ADGRB3: variants seen among roughly 807,000 people sequenced by gnomAD.
ADGRB3 encodes the protein brain-specific angiogenesis inhibitor 3.
ADGRB3 carries 37 observed loss-of-function variants against 193.4 expected under a neutral mutation model. The ratio of observed to expected loss-of-function variants is 0.19; its 90% confidence interval spans 0.15 to 0.25. The LOEUF is 0.25. Among genes scored for constraint, ADGRB3 ranks in the 10% least tolerant of loss-of-function variants. The probability of loss-of-function intolerance (pLI) is 1.00; values close to 1 mark genes in which losing one functional copy is unlikely to be tolerated. For missense variants in ADGRB3, 1,637 were observed against 1,852.9 expected (o/e 0.88, Z 2.14); for synonymous variants, 690 against 644.2 (o/e 1.07, Z -1.08).
At chr6:68,748,417 C>CA (rs1216228952) in intron 3 of ADGRB3, among the ~76,000 whole-genome samples, 1 of 152,060 alleles carries the variant, frequency 6.6e-6, no homozygotes, top group Non-Finnish European at 1.5e-5. Flanking sequence ...AGAAATTGGT[C>CA]AAAACAAAGG....
intron 20 of ADGRB3, among the ~76,000 whole-genome samples, chr6:69,274,467 T>TCCTTCCTTCCTC (rs1278945896): frequency 2.1e-5 from 3 of 145,058 alleles, no homozygotes; most frequent in Non-Finnish European, 4.5e-5. Context: ...CTTCCTTCCT[T>TCCTTCCTTCCTC]CCTTCCTTCC....
chr6:69,122,136 G>A (rs753518899), intron 17 of ADGRB3, among the ~76,000 whole-genome samples: 3 of 151,908 alleles, frequency 2.0e-5, no homozygotes, highest in South Asian at 2.1e-4. Context: ...CCGAGATCAC[G>A]CCACTGCACT....
intron 13 of ADGRB3, among the ~76,000 whole-genome samples, chr6:69,041,761 T>C (rs1771078246): frequency 6.6e-6 from 1 of 152,076 alleles, no homozygotes; most frequent in African/African-American, 2.4e-5. Context: ...TGTGCAAAGC[T>C]ATGCCTGACA....
chr6:68,815,209 T>C (rs1463307895), intron 3 of ADGRB3, among the ~76,000 whole-genome samples: 1 of 152,142 alleles, frequency 6.6e-6, no homozygotes, highest in African/African-American at 2.4e-5. Context: ...ACTCAGCTGC[T>C]TTCTTTGAGT....
chr6:69,109,093 G>A (rs1177700678), intron 17 of ADGRB3, among the ~76,000 whole-genome samples: 1 of 152,170 alleles, frequency 6.6e-6, no homozygotes, highest in African/African-American at 2.4e-5. Context: ...TACAGTATCT[G>A]ATTTATCTCT....
intron 17 of ADGRB3, among the ~76,000 whole-genome samples, chr6:69,098,789 G>C (rs2150320371): frequency 6.6e-6 from 1 of 152,232 alleles, no homozygotes; most frequent in South Asian, 2.1e-4. Flanking sequence ...GGTCATTAAA[G>C]AAAGGACTTT....
At chr6:69,259,816 C>T (rs549183950) in intron 20 of ADGRB3, among the ~76,000 whole-genome samples, 2 of 151,714 alleles carry the variant, frequency 1.3e-5, no homozygotes, top group South Asian at 2.1e-4. Flanking sequence ...TTAATGGACT[C>T]AGATATAAAG....
At chr6:68,975,853 A>G (rs1286722447) in intron 10 of ADGRB3, among the ~76,000 whole-genome samples, 3 of 152,288 alleles carry the variant, frequency 2.0e-5, no homozygotes, top group South Asian at 2.1e-4. Context: ...ACATGGGCCA[A>G]ATTTTCCAAA....
intron 3 of ADGRB3, among the ~76,000 whole-genome samples, chr6:68,797,085 A>G (rs970213808): frequency 6.6e-6 from 1 of 152,180 alleles, no homozygotes; most frequent in East Asian, 1.9e-4. Context: ...GTAAGCCATG[A>G]CACGGAACTG....
At chr6:68,948,337 A>G (rs1169999477) in intron 6 of ADGRB3, among the ~76,000 whole-genome samples, 2 of 152,066 alleles carry the variant, frequency 1.3e-5, no homozygotes, top group East Asian at 1.9e-4. Flanking sequence ...GTGTCTTTTT[A>G]TGGTGATTCC....
chr6:68,789,632 T>C (rs1462618887), intron 3 of ADGRB3, among the ~76,000 whole-genome samples: 1 of 152,236 alleles, frequency 6.6e-6, no homozygotes, highest in Non-Finnish European at 1.5e-5. Flanking sequence ...TTATGTGTCT[T>C]TGAGTTGCTC....
chr6:69,360,662 C>G (rs1336785435), intron 28 of ADGRB3, among the ~76,000 whole-genome samples: 1 of 151,846 alleles, frequency 6.6e-6, no homozygotes, highest in African/African-American at 2.4e-5. Context: ...TACCTGAGAT[C>G]TATGAGAGCA....
At chr6:69,040,293 C>T (rs1199639687) in intron 13 of ADGRB3, among the ~76,000 whole-genome samples, 1 of 149,314 alleles carries the variant, frequency 6.7e-6, no homozygotes, top group Non-Finnish European at 1.5e-5. Context: ...TTTTGCCTTC[C>T]TTCCTTTCTC....
rs535186159 is a variant in ADGRB3, at chr6:68,771,152, A to G, written c.757+131720A>G. 2.6e-5 allele frequency among the ~76,000 whole-genome samples: 4 copies of G among 152,198 alleles called. No individual in the cohort carries two copies. In the South Asian group the frequency reaches 8.3e-4, roughly 32 times the overall value. ...TAATATTTAATTTTAAATTTTTGCTATGTAAACTTTTATTTTCATTATGGA... is the reference window on the plus strand; with the variant it reads ...TAATATTTAATTTTAAATTTTTGCTGTGTAAACTTTTATTTTCATTATGGA... On this transcript the variant is annotated intron_variant, in intron 3 of 31. Transcript: ENST00000370598.
Position 69,355,826 on chromosome 6 carries a change from C to G in ADGRB3, c.3561C>G (p.Asp1187Glu). The G allele has an allele frequency of 6.2e-7, 1 of 1,607,786 alleles. No homozygotes were observed. The highest frequency in any genetic ancestry group is 1.3e-5 in the African/African-American group (1 of 74,848). The change falls in exon 28 of 32, where the codon GAC becomes GAG. Residue 1187 changes from aspartate to glutamate, a missense_variant. Coordinates refer to ENST00000370598, the MANE Select transcript of ADGRB3 (RefSeq NM_001704.3). Reference sequence around the variant, plus strand: ...CTTATTATTTATTGTTACAGACAGACTTTGAAAAGGATGTAGACATTGCCT... The same window carrying G: ...CTTATTATTTATTGTTACAGACAGAGTTTGAAAAGGATGTAGACATTGCCT... ...FPNGHAQIMTDFEKDVDIACR... is the reference protein window; with the variant it reads ...FPNGHAQIMTEFEKDVDIACR...
At chr6:69,355,232 T>C (rs1185490887) in intron 27 of ADGRB3, among the ~76,000 whole-genome samples, 1 of 152,176 alleles carries the variant, frequency 6.6e-6, no homozygotes, top group Non-Finnish European at 1.5e-5. Context: ...TAGGAAAATA[T>C]GAGGTCACAA....
intron 13 of ADGRB3, among the ~76,000 whole-genome samples, chr6:69,039,024 C>T (rs996864719): frequency 1.3e-5 from 2 of 152,208 alleles, no homozygotes; most frequent in East Asian, 3.9e-4. Context: ...TGAATCATCC[C>T]TTTGATTGGC....
chr6:69,074,103 A>T (rs560599343), intron 16 of ADGRB3, among the ~76,000 whole-genome samples: 1 of 152,106 alleles, frequency 6.6e-6, no homozygotes, highest in Non-Finnish European at 1.5e-5. Context: ...TTACTAAATA[A>T]ATTTTAAAGG....
chr6:68,856,951 G>C (rs1765005296), intron 3 of ADGRB3, among the ~76,000 whole-genome samples: 1 of 152,152 alleles, frequency 6.6e-6, no homozygotes, highest in South Asian at 2.1e-4. Context: ...AGAAGCTCCA[G>C]CCATGCCTAA....
Sources: gnomAD v4.1 joint callset for allele counts (sites outside exome capture counted in the v4.1 genomes callset) on GRCh38, gnomAD v4.1.1 for gene constraint, MANE v1.5 for transcripts, NCBI Gene and HGNC (gene_info 2026-07-23, HGNC 2026-07-21) for gene names.